Variants in UGGT1 observed in about 807,000 individuals in gnomAD.
The protein encoded by UGGT1 is UDP-glucose:glycoprotein glucosyltransferase 1.
Under a neutral mutation model 203.9 loss-of-function variants are expected in UGGT1, and 107 were observed. The ratio of observed to expected loss-of-function variants is 0.52; its 90% CI spans 0.45 to 0.62. The LOEUF (loss-of-function observed/expected upper bound fraction) is 0.62. UGGT1 is among the 20% of genes least tolerant of loss of function. UGGT1 has a pLI of 0.00. For missense variants in UGGT1, 1,673 were observed against 1,867.2 expected, an observed-to-expected ratio of 0.90 and a Z score of 1.92; for synonymous variants, 628 against 653.5, an observed-to-expected ratio of 0.96 and a Z score of 0.59.
chr2:128,185,199 C>CTT (rs1216222009), intron 38 of UGGT1, among the ~76,000 whole-genome samples: 3,963 of 136,242 alleles, frequency 0.029, 83 homozygotes, highest in Non-Finnish European at 0.048. Flanking sequence ...TTGTTTCTCT[C>CTT]TTTTTTTTTT....
At chr2:128,127,337 C>T (rs769106680) in intron 11 of UGGT1, 24 bp from the exon 12 acceptor site, 1 of 1,548,892 alleles carries the variant, frequency 6.5e-7, no homozygotes. Flanking sequence ...TCACAGCTCC[C>T]TAATAATTAT....
At position 128,181,216 on chromosome 2, in the gene UGGT1, A is replaced by G. The variant is rs1691673842; in HGVS notation, c.4083+144A>G. The G allele has an allele frequency of 1.4e-5, 11 of 766,878 alleles. 1 individual carries two copies. In the South Asian group the frequency reaches 2.0e-4, roughly 14 times the overall value. 47.5% of individuals were successfully genotyped at this position (766,878 alleles called of 1,614,324 possible). On this transcript the variant is annotated intron_variant, in intron 36 of 40. Coordinates refer to ENST00000259253, the MANE Select transcript of UGGT1 (RefSeq NM_020120.4). The stretch of plus-strand genomic sequence containing the variant: ...TGAAAATATGTATCACATAGATGTC[A>G]TCACTTTTTAAATTTGCATTTAGCT...
Position 128,132,637 on chromosome 2 carries a change from G to A in UGGT1, c.1378-504G>A, listed in dbSNP as rs184886881. On this transcript the variant is annotated intron_variant, in intron 13 of 40. Transcript: ENST00000259253. ...TTGACGCTAGTCCTTTATTGGGTTTGTAGGTTACAAATGTCTTCATCTATT... is the reference window on the plus strand; with the variant it reads ...TTGACGCTAGTCCTTTATTGGGTTTATAGGTTACAAATGTCTTCATCTATT... Among the ~76,000 whole-genome samples, 142 of 152,250 alleles carry A rather than the reference G, an allele frequency of 9.3e-4. 3 individuals are homozygous for A. In the East Asian group the frequency reaches 0.024, roughly 26 times the overall value.
At chr2:128,187,669 C>CT (rs1486497046) in intron 40 of UGGT1, 55 bp downstream of exon 40, 1 of 1,522,264 alleles carries the variant, frequency 6.6e-7, no homozygotes, top group African/African-American at 1.4e-5. Context: ...CTGATTTCTG[C>CT]TTGTTGTAAA....
At chr2:128,167,645 A>G (rs1268984915) in intron 26 of UGGT1, among the ~76,000 whole-genome samples, 1 of 152,226 alleles carries the variant, frequency 6.6e-6, no homozygotes, top group Non-Finnish European at 1.5e-5. Flanking sequence ...ACCATAGGCA[A>G]ATGTGTATAA....
At position 128,145,826 on chromosome 2, in the gene UGGT1, G is replaced by C. The variant is rs752145530; in HGVS notation, c.1875G>C (p.Gln625His). 1.2e-6 allele frequency: 2 copies of C among 1,606,828 alleles called. No individual in the cohort carries two copies. The highest frequency in any genetic ancestry group is 1.7e-6 in the Non-Finnish European group (2 of 1,175,304). The change falls in exon 18 of 41, where the codon CAG becomes CAC. Residue 625 changes from glutamine (Q) to histidine (H), a missense_variant. This residue lies in a region of UGGT1 where 1,073 missense variants were observed against 1,078.7 expected (regional missense o/e 0.99). Transcript: ENST00000259253. ...NRKEARGYYE[Q>H]TGVGPLPVVL... is the part of the protein sequence containing the mutation. The stretch of plus-strand genomic sequence containing the variant: ...AGGAAGCAAGAGGCTACTATGAGCA[G>C]ACTGGAGTTGGACCTCTGCCCGTTG...
chr2:128,145,298 GA>G (rs1240270761), intron 17 of UGGT1, among the ~76,000 whole-genome samples: 1 of 152,144 alleles, frequency 6.6e-6, no homozygotes, highest in Non-Finnish European at 1.5e-5. Flanking sequence ...TTTTAAAATG[GA>G]AATTAATTAA....
At chr2:128,127,080 A>G (rs1356820683) in intron 11 of UGGT1, among the ~76,000 whole-genome samples, 1 of 152,202 alleles carries the variant, frequency 6.6e-6, no homozygotes, top group Non-Finnish European at 1.5e-5. Flanking sequence ...CCAGTTCACA[A>G]TTGATACACC....
chr2:128,091,571 T>TTGCC, intron 1 of UGGT1, 156 bp downstream of exon 1: 1 of 1,445,924 alleles, frequency 6.9e-7, no homozygotes, highest in Non-Finnish European at 9.1e-7. Flanking sequence ...GCGCCCCGAG[T>TTGCC]TGCCCTCAGT....
intron 9 of UGGT1, among the ~76,000 whole-genome samples, 163 bp downstream of exon 9, chr2:128,120,619 A>G (rs961286459): frequency 6.6e-6 from 1 of 152,202 alleles, no homozygotes; most frequent in Non-Finnish European, 1.5e-5. Context: ...GAAGAAAGGA[A>G]GTCCTTTTGT....
chr2:128,145,556 C>A, intron 17 of UGGT1: 1 of 393,142 alleles, frequency 2.5e-6, no homozygotes, highest in Non-Finnish European at 4.6e-6. Flanking sequence ...ACACGCACTT[C>A]ATAATTTGCA....
chr2:128,149,763 G>T (rs187559649), intron 18 of UGGT1, among the ~76,000 whole-genome samples: 1 of 150,616 alleles, frequency 6.6e-6, no homozygotes, highest in Non-Finnish European at 1.5e-5. Context: ...TCCAGCCAGG[G>T]TGACAGAGCA....
intron 2 of UGGT1, chr2:128,103,016 T>A (rs760054509): frequency 1.7e-5 from 8 of 465,392 alleles, no homozygotes; most frequent in Non-Finnish European, 2.7e-5. Context: ...CAGAAACCTA[T>A]TTTTAGAGAA....
chr2:128,183,875 CCT>C, intron 38 of UGGT1, 86 bp downstream of exon 38: 5 of 963,742 alleles, frequency 5.2e-6, no homozygotes, highest in Non-Finnish European at 8.1e-6. Context: ...TGTCTTCAGT[CCT>C]CTCCTCACAG....
intron 26 of UGGT1, among the ~76,000 whole-genome samples, chr2:128,168,949 G>C (rs1690939266): frequency 6.7e-6 from 1 of 149,288 alleles, no homozygotes; most frequent in Non-Finnish European, 1.5e-5. Context: ...TTGGTGGCTG[G>C]GGCGCGAGGA....
chr2:128,161,266 T>A lies in UGGT1; in HGVS notation c.2823T>A (p.Asp941Glu), dbSNP rs770349388. The change falls in exon 25 of 41, where the codon GAT becomes GAA. Residue 941 changes from aspartate to glutamate, a missense_variant and splice_region_variant. This residue lies in a region of UGGT1 where 1,073 missense variants were observed against 1,078.7 expected (regional missense o/e 0.99). Transcript: ENST00000259253. ...TTCAACAGCTTCGGGTAGAAGAAGATGTGTAAGTTTTGCCATAGGAGGAAT... is the reference window on the plus strand; with the variant it reads ...TTCAACAGCTTCGGGTAGAAGAAGAAGTGTAAGTTTTGCCATAGGAGGAAT... Reference protein sequence around the residue: ...SHIQQLRVEEDVASDLVMKVD... With the variant: ...SHIQQLRVEEEVASDLVMKVD... The A allele has an allele frequency of 1.2e-5, 20 of 1,613,314 alleles. No individual in the cohort carries two copies. The East Asian group carries it at 4.2e-4, about 34-fold the overall frequency.
Position 128,104,008 on chromosome 2 carries a change from C to A in UGGT1, c.271C>A (p.His91Asn). Residue 91 changes from histidine to asparagine, a missense_variant, in exon 3 of 41, where the codon CAT (histidine) becomes AAT (asparagine). Physicochemically the swap from His to Asn is moderately conservative, Grantham distance 68. Transcript: ENST00000259253. ...EASQNIGSSD[H>N]DGTDYSYYHA... The stretch of plus-strand genomic sequence containing the variant: ...CAGTCAAAATATTGGATCATCAGAT[C>A]ATGACGGTAAAATTGAAGCAAATGC... The A allele has an allele frequency of 6.4e-7, 1 of 1,564,946 alleles. No homozygotes were observed. The highest frequency in any genetic ancestry group is 8.6e-7 in the Non-Finnish European group (1 of 1,163,904).
intron 2 of UGGT1, among the ~76,000 whole-genome samples, chr2:128,100,885 C>G (rs1223888808): frequency 1.3e-5 from 2 of 152,182 alleles, no homozygotes. Flanking sequence ...CCTAATTGCT[C>G]AATATTTTCA....
At chr2:128,107,822 C>T (rs1027749215) in intron 3 of UGGT1, 116 bp from the exon 4 acceptor site, 50 of 1,377,960 alleles carry the variant, frequency 3.6e-5, no homozygotes, top group Non-Finnish European at 4.2e-5. Flanking sequence ...AGACAATATA[C>T]TGGTAAAACT....
Sources: gnomAD v4.1 joint callset for allele counts (sites outside exome capture counted in the v4.1 genomes callset) on GRCh38, gnomAD v4.1.1 for gene constraint, gnomAD v4.1.1 regional missense constraint, MANE v1.5 for transcripts, NCBI Gene and HGNC (gene_info 2026-07-23, HGNC 2026-07-21) for gene names.